The following CPA5 variants were observed in gnomAD, a reference collection of about 807,000 sequenced individuals.
The protein encoded by CPA5 is testicular tissue protein Li 32.
A neutral mutation model predicts 52.2 loss-of-function variants in CPA5; 38 were observed. That is an observed-to-expected ratio of 0.73 (90% CI 0.56 to 0.95). The LOEUF is 0.95. CPA5 is among the 40% of genes least tolerant of loss of function. The pLI, the probability that CPA5 is intolerant of heterozygous loss-of-function variation, is 0.00. For missense variants in CPA5, 519 were observed against 566.7 expected (o/e 0.92, Z 0.86); for synonymous variants, 198 against 213.7 (o/e 0.93, Z 0.64).
chr7:130,363,646 G>T (rs17164851), intron 10 of CPA5, 137 bp downstream of exon 10: 3 of 718,108 alleles, frequency 4.2e-6, no homozygotes, highest in African/African-American at 3.5e-5. Flanking sequence ...CATGAGTCAC[G>T]GCCAGGGACA....
intron 3 of CPA5, 88 bp from the exon 4 acceptor site, chr7:130,347,678 C>T: frequency 3.5e-6 from 4 of 1,144,732 alleles, no homozygotes; most frequent in South Asian, 1.3e-5. Context: ...TCAGCTGGGC[C>T]TCTGCTCCAC....
At chr7:130,349,006 C>A (rs1554403124) in intron 4 of CPA5, among the ~76,000 whole-genome samples, 1 of 152,198 alleles carries the variant, frequency 6.6e-6, no homozygotes, top group African/African-American at 2.4e-5. Flanking sequence ...CGCGGTGTTG[C>A]AGTGCTTCTG....
chr7:130,352,507 G>C (rs934845308), intron 5 of CPA5, among the ~76,000 whole-genome samples: 4 of 151,936 alleles, frequency 2.6e-5, no homozygotes, highest in Admixed American at 2.6e-4. Context: ...GAGCAGGTGA[G>C]GGGGGGCTGG....
rs782761130 is a variant in CPA5, at chr7:130,346,493, G to A, written c.8G>A (p.Gly3Asp). Residue 3 changes from glycine to aspartate, a missense_variant, in exon 3 of 13, where the codon GGC (glycine) becomes GAC (aspartate). Physicochemically the swap from Gly to Asp is moderately conservative, Grantham distance 94. Transcript: ENST00000474905. ...TCACCAGGAGGAAGAAGCATGCAGG[G>A]CACCCCTGGAGGCGGGACGCGCCCT... is the stretch of plus-strand genomic sequence containing the variant. MQ[G>D]TPGGGTRPGP... The A allele has an allele frequency of 1.7e-5, 28 of 1,611,908 alleles. No homozygotes were observed. Among genetic ancestry groups the A allele is most frequent in the Non-Finnish European group, 2.1e-5 (25 of 1,178,688 alleles).
intron 6 of CPA5, among the ~76,000 whole-genome samples, chr7:130,360,206 T>C (rs1554406239): frequency 6.6e-6 from 1 of 152,268 alleles, no homozygotes; most frequent in African/African-American, 2.4e-5. Context: ...GTTTCTTTCC[T>C]CTTTCTTTAA....
rs1466378654 is a variant in CPA5, at chr7:130,345,102, T to G, written c.-255T>G. ...ATAACTGCTTTCTTTTCTATGTCCT[T>G]AAACCCTTTGATAATGTTACTGTTT... is the stretch of plus-strand genomic sequence containing the variant. On this transcript the variant is annotated 5_prime_UTR_variant, in exon 1 of 13. An upstream open reading frame in the 5' UTR gains an earlier in-frame stop. Coordinates refer to ENST00000474905, the MANE Select transcript of CPA5 (RefSeq NM_080385.5). The G allele has an allele frequency of 6.6e-6, 1 of 152,254 alleles. No individual in the cohort carries two copies. The highest frequency in any genetic ancestry group is 1.5e-5 in the Non-Finnish European group (1 of 68,044). The allele number at this position is 152,254 out of a possible 1,614,324, so 9.4% of individuals were successfully genotyped here.
At chr7:130,351,845 C>G (rs188882887) in intron 5 of CPA5, among the ~76,000 whole-genome samples, 1 of 152,118 alleles carries the variant, frequency 6.6e-6, no homozygotes, top group Non-Finnish European at 1.5e-5. Flanking sequence ...TGGCAATGTC[C>G]CCTGCAGGGT....
downstream of CPA5, among the ~76,000 whole-genome samples, chr7:130,373,220 TC>T (rs1442789974): frequency 6.6e-6 from 1 of 151,944 alleles, no homozygotes; most frequent in African/African-American, 2.4e-5. Flanking sequence ...GAACGTTTTT[TC>T]CCCCATTTTC....
intron 6 of CPA5, among the ~76,000 whole-genome samples, 200 bp downstream of exon 6, chr7:130,359,887 A>C (rs1007007738): frequency 1.2e-4 from 18 of 152,224 alleles, no homozygotes; most frequent in Non-Finnish European, 2.5e-4. Context: ...CAGAATTCAG[A>C]TAGAGGGGAC....
chr7:130,352,165 G>A (rs1030264845), intron 5 of CPA5, among the ~76,000 whole-genome samples: 3 of 152,132 alleles, frequency 2.0e-5, no homozygotes, highest in Non-Finnish European at 4.4e-5. Context: ...GCCAGAGGCA[G>A]GGGAGATTTT....
downstream of CPA5, among the ~76,000 whole-genome samples, chr7:130,369,545 T>A (rs1331928481): frequency 2.0e-5 from 3 of 152,058 alleles, no homozygotes; most frequent in African/African-American, 7.2e-5. Context: ...AAGAGCCAAA[T>A]GAGGTTGTGT....
At position 130,345,202 on chromosome 7, in the gene CPA5, G is replaced by A. The variant is rs1166906984; in HGVS notation, c.-155G>A. On this transcript the variant is annotated 5_prime_UTR_variant, in exon 1 of 13. Coordinates refer to ENST00000474905, the MANE Select transcript of CPA5 (RefSeq NM_080385.5). The stretch of plus-strand genomic sequence containing the variant: ...CTGAACTACGAAATAATGGAGTAGG[G>A]CAGGTGGGTGGGGGAGCAGGGCGTT... 6.6e-6 allele frequency: 1 copy of A among 152,230 alleles called. No individual in the cohort carries two copies. The highest frequency in any genetic ancestry group is 1.5e-5 in the Non-Finnish European group (1 of 68,060). 9.4% of individuals were successfully genotyped at this position (152,230 alleles called of 1,614,324 possible).
At chr7:130,364,524 A>G (rs1404494121) in intron 10 of CPA5, among the ~76,000 whole-genome samples, 2 of 152,250 alleles carry the variant, frequency 1.3e-5, no homozygotes, top group Non-Finnish European at 2.9e-5. Context: ...TTTTGTAGAG[A>G]CGTGGTTTCA....
Position 130,350,641 on chromosome 7 carries a change from C to T in CPA5, c.333+532C>T, listed in dbSNP as rs1795077256. 2.0e-5 allele frequency among the ~76,000 whole-genome samples: 3 copies of T among 152,156 alleles called. No individual in the cohort carries two copies. In the South Asian group the frequency reaches 6.2e-4, roughly 32 times the overall value. On this transcript the variant is annotated intron_variant, in intron 5 of 12. Coordinates refer to ENST00000474905, the MANE Select transcript of CPA5 (RefSeq NM_080385.5). ...CCGCTTGGCTCTCCGCACGGGGCAT[C>T]CCCCCAGGCAGCATTCTCCCAGAGG...
At chr7:130,355,555 C>T (rs556819208) in intron 5 of CPA5, among the ~76,000 whole-genome samples, 9 of 152,208 alleles carry the variant, frequency 5.9e-5, no homozygotes, top group Non-Finnish European at 8.8e-5. Flanking sequence ...TACAGGCGCG[C>T]GCCACCACGC....
downstream of CPA5, chr7:130,368,801 C>T (rs1796244824): frequency 3.4e-6 from 2 of 581,574 alleles, no homozygotes; most frequent in African/African-American, 1.9e-5. Context: ...GGCTGCTTCT[C>T]ATTCCGCAGG....
chr7:130,361,840 T>A (rs1554406733), intron 7 of CPA5, among the ~76,000 whole-genome samples: 1 of 152,160 alleles, frequency 6.6e-6, no homozygotes, highest in Admixed American at 6.5e-5. Flanking sequence ...CTGCGGGGCG[T>A]TTAGCATCAG....
downstream of CPA5, among the ~76,000 whole-genome samples, chr7:130,370,554 G>A (rs1185024901): frequency 1.3e-5 from 2 of 152,102 alleles, no homozygotes; most frequent in Non-Finnish European, 2.9e-5. Context: ...GGGTATTCCT[G>A]GTATTAATAA....
chr7:130,359,301 A>G (rs1411015807), intron 5 of CPA5, among the ~76,000 whole-genome samples: 1 of 152,262 alleles, frequency 6.6e-6, no homozygotes, highest in Non-Finnish European at 1.5e-5. Context: ...AACTAAGGCC[A>G]CAGTAAATTC....
Sources: gnomAD v4.1 joint callset for allele counts (sites outside exome capture counted in the v4.1 genomes callset) on GRCh38, gnomAD v4.1.1 for gene constraint, MANE v1.5 for transcripts, NCBI Gene and HGNC (gene_info 2026-07-23, HGNC 2026-07-21) for gene names.